The following PRDM16 variants were observed in gnomAD, a reference collection of about 807,000 sequenced individuals.
The protein encoded by PRDM16 is histone-lysine N-methyltransferase PRDM16.
A neutral mutation model predicts 110.6 loss-of-function variants in PRDM16; 23 were observed. The observed-to-expected ratio is 0.21, with a 90% confidence interval of 0.15 to 0.29. The LOEUF is 0.29. Ranked by LOEUF, PRDM16 falls within the 10% of genes least tolerant of loss-of-function variation. The pLI is 1.00. For synonymous variants in PRDM16, 799 were observed against 781.8 expected (o/e 1.02, Z -0.37); for missense variants, 1,615 against 1,794.3 (o/e 0.90, Z 1.81).
intron 3 of PRDM16, among the ~76,000 whole-genome samples, chr1:3,321,822 G>T (rs897491750): frequency 6.6e-6 from 1 of 150,788 alleles, no homozygotes; most frequent in East Asian, 2.0e-4. Flanking sequence ...GTGCACATGT[G>T]TACATGTGTG....
At position 3,069,551 on chromosome 1, in the gene PRDM16, C is replaced by G. The variant is rs1212343225; in HGVS notation, c.37+255C>G. On this transcript the variant is annotated intron_variant, in intron 1 of 16. Transcript: ENST00000270722. The surrounding 1 kb of genome is among the most constrained non-coding windows in gnomAD (Gnocchi z 6.1). ...CCTCCCCGCGGAACCCCCTCCCCCC[C>G]CACCAGTGTCAGGCGCTCGGGCCCG... Among the ~76,000 whole-genome samples, 23 of 149,322 alleles carry G rather than the reference C, an allele frequency of 1.5e-4. No individual in the cohort carries two copies. The highest frequency in any genetic ancestry group is 8.4e-4 in the South Asian group (4 of 4,780).
chr1:3,277,593 G>A (rs980444726), intron 3 of PRDM16, among the ~76,000 whole-genome samples: 2 of 152,252 alleles, frequency 1.3e-5, no homozygotes, highest in East Asian at 1.9e-4. Context: ...CCCCTGGGAC[G>A]TTGTCCAGGG....
chr1:3,347,058 C>T (rs1642376251), intron 3 of PRDM16, among the ~76,000 whole-genome samples: 1 of 152,228 alleles, frequency 6.6e-6, no homozygotes, highest in Non-Finnish European at 1.5e-5. Flanking sequence ...CAGCGACCAC[C>T]TTGAGGGCCT....
chr1:3,237,475 T>C (rs912565394), intron 2 of PRDM16, among the ~76,000 whole-genome samples: 4 of 152,196 alleles, frequency 2.6e-5, no homozygotes, highest in Non-Finnish European at 4.4e-5. Flanking sequence ...CTACCCATTG[T>C]GTCTGCCCCA....
At chr1:3,225,926 A>G (rs934514720) in intron 2 of PRDM16, among the ~76,000 whole-genome samples, 3 of 152,254 alleles carry the variant, frequency 2.0e-5, no homozygotes, top group African/African-American at 7.2e-5. Flanking sequence ...TTACCTCTGC[A>G]GGAACAAATC....
At chr1:3,314,678 T>G (rs981015810) in intron 3 of PRDM16, among the ~76,000 whole-genome samples, 13 of 151,900 alleles carry the variant, frequency 8.6e-5, no homozygotes, top group Non-Finnish European at 1.3e-4. Context: ...TTCGCCCCCG[T>G]AGCCAGTTTG....
intron 3 of PRDM16, among the ~76,000 whole-genome samples, chr1:3,259,684 G>A (rs565902469): frequency 6.2e-4 from 94 of 152,298 alleles, no homozygotes; most frequent in Non-Finnish European, 1.0e-3. Context: ...CTGCAGCCCC[G>A]CATGCTCTGG....
chr1:3,372,573 CT>C (rs983579483), intron 3 of PRDM16, among the ~76,000 whole-genome samples: 7 of 152,248 alleles, frequency 4.6e-5, no homozygotes, highest in African/African-American at 1.7e-4. Context: ...GGCTGTTGGG[CT>C]TTTTTTCTTT....
intron 4 of PRDM16, among the ~76,000 whole-genome samples, chr1:3,394,169 G>A (rs1643346604): frequency 6.6e-6 from 1 of 152,038 alleles, no homozygotes; most frequent in South Asian, 2.1e-4. Flanking sequence ...TCAGAGGAGG[G>A]AGGCCTGGCG....
chr1:3,412,151 G>A lies in PRDM16; in HGVS notation c.1954G>A (p.Gly652Ser), dbSNP rs376706452. 1.3e-5 allele frequency: 20 copies of A among 1,561,368 alleles called. No individual in the cohort carries two copies. Among genetic ancestry groups the A allele is most frequent in the Middle Eastern group, 3.4e-4 (2 of 5,820 alleles). Residue 652 changes from glycine to serine, a missense_variant, in exon 9 of 17, where the codon GGC becomes AGC. By Grantham distance (56) the Gly-to-Ser change is moderately conservative. Transcript: ENST00000270722. ...SAEGQPKFGG[G>S]LAPPGAPNSV... ...CGAGGGCCAGCCCAAGTTTGGGGGC[G>A]GCTTGGCGCCCCCGGGGGCCCCGAA...
chr1:3,107,316 A>C (rs1396377309), intron 1 of PRDM16, among the ~76,000 whole-genome samples: 1 of 152,080 alleles, frequency 6.6e-6, no homozygotes, highest in Non-Finnish European at 1.5e-5. Flanking sequence ...TTGGGCAAAG[A>C]GCTGGGAGCA....
chr1:3,205,422 A>G (rs540254695), intron 2 of PRDM16, among the ~76,000 whole-genome samples: 7 of 152,284 alleles, frequency 4.6e-5, no homozygotes, highest in African/African-American at 1.4e-4. Context: ...AATGTATCCT[A>G]ATGGCTGAAT....
intron 3 of PRDM16, among the ~76,000 whole-genome samples, chr1:3,356,247 G>A (rs1305754028): frequency 6.6e-6 from 1 of 152,050 alleles, no homozygotes; most frequent in Non-Finnish European, 1.5e-5. Context: ...GGTGTTTGTG[G>A]AATTGTTCCA....
chr1:3,145,155 C>T (rs535831331), intron 1 of PRDM16, among the ~76,000 whole-genome samples: 23 of 152,332 alleles, frequency 1.5e-4, no homozygotes, highest in South Asian at 2.1e-4. Context: ...TCCTAGGAGC[C>T]GTGTGCCTGG....
chr1:3,101,254 C>A (rs892974085), intron 1 of PRDM16, among the ~76,000 whole-genome samples: 1 of 152,192 alleles, frequency 6.6e-6, no homozygotes, highest in African/African-American at 2.4e-5. Context: ...TCCCATCCAA[C>A]GCACCTCAGC....
At chr1:3,392,166 G>C (rs1166297560) in intron 4 of PRDM16, among the ~76,000 whole-genome samples, 1 of 152,200 alleles carries the variant, frequency 6.6e-6, no homozygotes, top group East Asian at 1.9e-4. Flanking sequence ...ATCTGCTTTT[G>C]GGAAATGGTT....
At chr1:3,317,344 G>A (rs961833163) in intron 3 of PRDM16, among the ~76,000 whole-genome samples, 2 of 152,194 alleles carry the variant, frequency 1.3e-5, no homozygotes, top group African/African-American at 4.8e-5. Context: ...GGCCCTCACC[G>A]AGGCTGCAGC....
chr1:3,360,490 C>T (rs1431266995), intron 3 of PRDM16, among the ~76,000 whole-genome samples: 1 of 152,062 alleles, frequency 6.6e-6, no homozygotes, highest in Non-Finnish European at 1.5e-5. Flanking sequence ...AGTGAGCCCC[C>T]AGCAGAGCCC....
At chr1:3,112,884 G>C (rs1642829096) in intron 1 of PRDM16, among the ~76,000 whole-genome samples, 1 of 152,224 alleles carries the variant, frequency 6.6e-6, no homozygotes, top group Non-Finnish European at 1.5e-5. Context: ...CTGTGGAACG[G>C]GGTCCCGGGC....
Sources: gnomAD v4.1 joint callset for allele counts (sites outside exome capture counted in the v4.1 genomes callset) on GRCh38, gnomAD v4.1.1 for gene constraint, Gnocchi (gnomAD v3.1) non-coding constraint, MANE v1.5 for transcripts, NCBI Gene and HGNC (gene_info 2026-07-23, HGNC 2026-07-21) for gene names.